Variants in LHFPL1 observed in about 807,000 individuals in gnomAD.
The protein encoded by LHFPL1 is LHFPL tetraspan subfamily member 1 protein.
LHFPL1 carries 4 observed loss-of-function variants against 12.1 expected under a neutral mutation model. That is an observed-to-expected ratio of 0.33 (90% confidence interval 0.16 to 0.76). LHFPL1 has a LOEUF of 0.76. Ranked by LOEUF, LHFPL1 falls within the 30% of genes least tolerant of loss-of-function variation. The pLI is 0.61. For synonymous variants in LHFPL1, 52 were observed against 61.9 expected (o/e 0.84, Z 0.75); for missense variants, 141 against 174.1 (o/e 0.81, Z 1.07).
chrX:112,668,299 G>A lies in LHFPL1; in HGVS notation c.382+2710C>T, dbSNP rs758283575. On this transcript the variant is annotated intron_variant, in intron 2 of 3. Transcript: ENST00000371968. ...ACAGTCATATGTCAAGGGGCTCCTA[G>A]TGAGTTCATCCAAGCAACCCTCACC... 7.1e-5 allele frequency among the ~76,000 whole-genome samples: 8 copies of A among 112,292 alleles called. No homozygotes were observed. In the East Asian group the frequency reaches 1.4e-3, roughly 20 times the overall value.
intron 3 of LHFPL1, among the ~76,000 whole-genome samples, chrX:112,632,552 C>T (rs10521552): frequency 0.014 from 1,572 of 111,650 alleles, 31 homozygotes; most frequent in African/African-American, 0.048. Flanking sequence ...CAGAGAGTCC[C>T]TGAGAAGAGA....
At chrX:112,632,249 C>T (rs1411225724) in intron 3 of LHFPL1, among the ~76,000 whole-genome samples, 1 of 111,479 alleles carries the variant, frequency 9.0e-6, no homozygotes, top group African/African-American at 3.3e-5. Flanking sequence ...CCCAGGAAAG[C>T]AATATGCATT....
At chrX:112,638,191 C>T (rs1219171448) in intron 3 of LHFPL1, among the ~76,000 whole-genome samples, 2 of 111,525 alleles carry the variant, frequency 1.8e-5, no homozygotes, top group South Asian at 3.8e-4. Context: ...TAATATACTC[C>T]AATAATCAGG....
At chrX:112,648,714 C>T (rs1005992364) in intron 3 of LHFPL1, 30 of 111,387 alleles carry the variant, frequency 2.7e-4, no homozygotes, top group Non-Finnish European at 5.1e-4. Flanking sequence ...CCTTTTTCAT[C>T]TGTAAAATAA....
chrX:112,679,105 C>T (rs951216473), intron 1 of LHFPL1, among the ~76,000 whole-genome samples: 4 of 111,081 alleles, frequency 3.6e-5, no homozygotes, highest in Admixed American at 2.9e-4. Flanking sequence ...AGATTTAGAA[C>T]ATCTCTCCTT....
intron 3 of LHFPL1, among the ~76,000 whole-genome samples, chrX:112,635,932 T>A (rs774727883): frequency 8.9e-6 from 1 of 111,828 alleles, no homozygotes; most frequent in Non-Finnish European, 1.9e-5. Flanking sequence ...TCATCTTTCC[T>A]ACAAGCAGTG....
chrX:112,632,967 C>A (rs1930231273), intron 3 of LHFPL1, among the ~76,000 whole-genome samples: 1 of 112,037 alleles, frequency 8.9e-6, no homozygotes, highest in African/African-American at 3.2e-5. Context: ...CAGAACTTGG[C>A]ACCTGCTTGA....
intron 1 of LHFPL1, 181 bp from the exon 2 acceptor site, chrX:112,671,585 C>A: frequency 1.0e-6 from 1 of 965,676 alleles, no homozygotes; most frequent in Non-Finnish European, 1.4e-6. Context: ...TGGGATTTTG[C>A]TTTTCAGTAC....
chrX:112,639,462 C>T (rs766079951), intron 3 of LHFPL1, among the ~76,000 whole-genome samples: 1 of 111,619 alleles, frequency 9.0e-6, no homozygotes, highest in African/African-American at 3.3e-5. Context: ...CGGTTCAACC[C>T]AATGTTCCAA....
chrX:112,647,445 C>G (rs1407347040), intron 3 of LHFPL1, among the ~76,000 whole-genome samples: 1 of 111,674 alleles, frequency 9.0e-6, no homozygotes, highest in Non-Finnish European at 1.9e-5. Context: ...GGGCTAATAT[C>G]CAGAATCTAC....
At chrX:112,676,911 C>T (rs2092472) in intron 1 of LHFPL1, among the ~76,000 whole-genome samples, 1 of 111,963 alleles carries the variant, frequency 8.9e-6, no homozygotes, top group Non-Finnish European at 1.9e-5. Flanking sequence ...AATGAGAGCC[C>T]TTCATCAACT....
At chrX:112,631,798 T>C (rs1357077204) in intron 3 of LHFPL1, among the ~76,000 whole-genome samples, 197 bp from the exon 4 acceptor site, 3 of 112,000 alleles carry the variant, frequency 2.7e-5, no homozygotes, top group African/African-American at 6.5e-5. Context: ...TGACTGCTGA[T>C]CTTTGCTTCA....
intron 1 of LHFPL1, among the ~76,000 whole-genome samples, chrX:112,673,286 GC>G (rs1931562572): frequency 8.9e-6 from 1 of 111,862 alleles, no homozygotes; most frequent in African/African-American, 3.3e-5. Context: ...GGAAGAAAGT[GC>G]CCTGAGCTGG....
intron 3 of LHFPL1, among the ~76,000 whole-genome samples, chrX:112,657,909 CAAA>C (rs57793060): frequency 5.9e-4 from 36 of 61,335 alleles, no homozygotes; most frequent in African/African-American, 1.5e-3. Context: ...AAAACAGAAG[CAAA>C]AAAAAAAAAA....
intron 3 of LHFPL1, among the ~76,000 whole-genome samples, chrX:112,659,112 CA>C (rs1931098463): frequency 9.0e-6 from 1 of 111,384 alleles, no homozygotes; most frequent in African/African-American, 3.3e-5. Context: ...CAGCTGGGAG[CA>C]AAGGGAAATA....
chrX:112,643,481 T>A (rs766612600), intron 3 of LHFPL1, among the ~76,000 whole-genome samples: 2 of 110,746 alleles, frequency 1.8e-5, no homozygotes, highest in Non-Finnish European at 3.8e-5. Flanking sequence ...AAGGCACCTC[T>A]TCACAGAGCA....
At chrX:112,661,508 G>GC (rs1243254354) in intron 2 of LHFPL1, 4 of 111,580 alleles carry the variant, frequency 3.6e-5, no homozygotes, top group African/African-American at 1.3e-4. Flanking sequence ...CCTGCCTCTG[G>GC]CCACAGAGGA....
chrX:112,639,711 A>G (rs1368431470), intron 3 of LHFPL1, among the ~76,000 whole-genome samples: 1 of 112,197 alleles, frequency 8.9e-6, no homozygotes, highest in East Asian at 2.8e-4. Context: ...CACTTTTCAT[A>G]TAGCTATCCT....
chrX:112,645,423 G>A (rs1399051774), intron 3 of LHFPL1, among the ~76,000 whole-genome samples: 1 of 109,094 alleles, frequency 9.2e-6, no homozygotes, highest in Non-Finnish European at 1.9e-5. Flanking sequence ...CTGGTATCAG[G>A]ATGATGATGA....
Sources: allele counts gnomAD v4.1 joint callset (sites outside exome capture counted in the v4.1 genomes callset), GRCh38; gene constraint gnomAD v4.1.1; transcripts MANE v1.5; gene names NCBI Gene and HGNC (gene_info 2026-07-23, HGNC 2026-07-21).